ZNF525: variants seen among roughly 807,000 people sequenced by gnomAD.
ZNF525 encodes zinc finger protein 525.
In ZNF525, 33 loss-of-function variants were observed where a neutral mutation model predicts 37.6. That is an observed-to-expected ratio of 0.88 (90% CI 0.67 to 1.17). The LOEUF (loss-of-function observed/expected upper bound fraction) is 1.17, where lower values mean the gene tolerates loss of function less well. Among genes scored for constraint, ZNF525 ranks in the 50% most tolerant of loss-of-function variants. The pLI is 0.00. For missense variants in ZNF525, 449 were observed against 543.1 expected (o/e 0.83, Z 1.72); for synonymous variants, 170 against 182.3 (o/e 0.93, Z 0.54).
chr19:53,386,538 A>G lies in ZNF525; in HGVS notation c.*4519A>G, dbSNP rs1042862702. 6 of 515,722 alleles carry G rather than the reference A, an allele frequency of 1.2e-5. No homozygotes were observed. In the East Asian group the frequency reaches 1.8e-4, roughly 16 times the overall value. The allele number at this position is 515,722 out of a possible 1,614,324, so 31.9% of individuals were successfully genotyped here. A position where few individuals can be genotyped will look rare whatever the true frequency, so the allele number is the denominator to read the frequency against. On this transcript the variant is annotated 3_prime_UTR_variant, in exon 4 of 4. Coordinates refer to ENST00000474037, the MANE Select transcript of ZNF525 (RefSeq NM_001348156.2). ...TTCTCTGTAAATTTGTTATAAACGCATTGGTTGGCTGTGTTCAGTAATAAA... is the reference window on the plus strand; with the variant it reads ...TTCTCTGTAAATTTGTTATAAACGCGTTGGTTGGCTGTGTTCAGTAATAAA...
intron 1 of ZNF525, among the ~76,000 whole-genome samples, chr19:53,371,250 G>A (rs1332527488): frequency 6.7e-6 from 1 of 148,432 alleles, no homozygotes; most frequent in Non-Finnish European, 1.5e-5. Flanking sequence ...CAGGCTGTGA[G>A]TGCAGTCTCA....
chr19:53,383,068 C>A lies in ZNF525; in HGVS notation c.*1049C>A. ...GACTTCATACTGGAGAGAACGCTTG[C>A]AAGTGTAATAAATGTGGCGAGGTTT... On this transcript the variant is annotated 3_prime_UTR_variant, in exon 4 of 4. Transcript: ENST00000474037. 7.0e-7 allele frequency: 1 copy of A among 1,419,662 alleles called. No individual in the cohort carries two copies. The highest frequency in any genetic ancestry group is 9.8e-7 in the Non-Finnish European group (1 of 1,015,500). The allele number at this position is 1,419,662 out of a possible 1,614,324, so 87.9% of individuals were successfully genotyped here.
At chr19:53,378,788 G>A (rs772900218) in intron 3 of ZNF525, among the ~76,000 whole-genome samples, 2 of 152,144 alleles carry the variant, frequency 1.3e-5, no homozygotes, top group African/African-American at 2.4e-5. Flanking sequence ...CAACACCCGT[G>A]ACCAAATTGT....
intron 3 of ZNF525, among the ~76,000 whole-genome samples, chr19:53,379,050 A>G (rs936892130): frequency 6.6e-6 from 1 of 152,058 alleles, no homozygotes; most frequent in Non-Finnish European, 1.5e-5. Flanking sequence ...GAATTGCTGT[A>G]TTGCCTGGCT....
intron 3 of ZNF525, chr19:53,376,304 T>C: frequency 1.5e-6 from 1 of 671,792 alleles, no homozygotes; most frequent in Non-Finnish European, 2.7e-6. Context: ...ATGAGTCTTC[T>C]GTGGACAACA....
rs1158728952 is a variant in ZNF525 at position 53,382,791 on chromosome 19, G to A, written c.*772G>A. On this transcript the variant is annotated 3_prime_UTR_variant, in exon 4 of 4. Coordinates refer to ENST00000474037, the MANE Select transcript of ZNF525 (RefSeq NM_001348156.2). ...CGTTCATACCTTGCAGTTCACGGGCGAACTCATGCTGGAGAGAAACCTTAC... is the reference window on the plus strand; with the variant it reads ...CGTTCATACCTTGCAGTTCACGGGCAAACTCATGCTGGAGAGAAACCTTAC... 5.3e-5 allele frequency: 59 copies of A among 1,120,294 alleles called. No individual in the cohort carries two copies. The highest frequency in any genetic ancestry group is 4.0e-4 in the Middle Eastern group (2 of 4,946). The allele number at this position is 1,120,294 out of a possible 1,614,324, so 69.4% of individuals were successfully genotyped here.
At chr19:53,366,540 G>GA (rs57967171) in intron 1 of ZNF525, among the ~76,000 whole-genome samples, 20,658 of 123,820 alleles carry the variant, frequency 0.17, 1,865 homozygotes, top group African/African-American at 0.25. Flanking sequence ...CAGCAAAAGT[G>GA]AAAAAAAAAA....
chr19:53,378,849 A>G (rs1010033167), intron 3 of ZNF525, among the ~76,000 whole-genome samples: 1 of 152,202 alleles, frequency 6.6e-6, no homozygotes, highest in Non-Finnish European at 1.5e-5. Flanking sequence ...AGAACTCTGA[A>G]CATGGCGTTT....
Position 53,382,148 on chromosome 19 carries a change from C to T in ZNF525, c.*129C>T, listed in dbSNP as rs569760100. ...AATTTCATAGTGGAGAGAAACCTTA[C>T]AAATGTGAAGAATGTGATGAAGCTT... On this transcript the variant is annotated 3_prime_UTR_variant, in exon 4 of 4. Transcript: ENST00000474037. 1.9e-6 allele frequency: 3 copies of T among 1,589,162 alleles called. No homozygotes were observed. Among genetic ancestry groups the T allele is most frequent in the African/African-American group, 1.3e-5 (1 of 74,270 alleles).
At position 53,386,339 on chromosome 19, in the gene ZNF525, G is replaced by T; in HGVS notation, c.*4320G>T. 1 of 781,436 alleles carries T rather than the reference G, an allele frequency of 1.3e-6. No individual in the cohort carries two copies. The highest frequency in any genetic ancestry group is 2.2e-6 in the Non-Finnish European group (1 of 448,500). 48.4% of individuals were successfully genotyped at this position (781,436 alleles called of 1,614,324 possible). ...CAGATCAAAACTGGTAATAAAATCA[G>T]GTACGACTCCAAAAGGAGACATTGG... On this transcript the variant is annotated 3_prime_UTR_variant, in exon 4 of 4. Transcript: ENST00000474037.
chr19:53,383,437 C>G lies in ZNF525; in HGVS notation c.*1418C>G. ...TGTGACAAAGTTTACAGTCGCAAAT[C>G]AAACCTCGAAAGACAGGAGAATTCA... On this transcript the variant is annotated 3_prime_UTR_variant, in exon 4 of 4. Coordinates refer to ENST00000474037, the MANE Select transcript of ZNF525 (RefSeq NM_001348156.2). The G allele has an allele frequency of 9.6e-7, 1 of 1,042,486 alleles. No individual in the cohort carries two copies. The highest frequency in any genetic ancestry group is 1.3e-5 in the South Asian group (1 of 79,210). 64.6% of individuals were successfully genotyped at this position (1,042,486 alleles called of 1,614,324 possible). A position where few individuals can be genotyped will look rare whatever the true frequency, so the allele number is the denominator to read the frequency against.
At position 53,384,060 on chromosome 19, in the gene ZNF525, AT is replaced by A. The variant is rs2085587913; in HGVS notation, c.*2043del. 2 of 522,840 alleles carry A rather than the reference AT, an allele frequency of 3.8e-6. No individual in the cohort carries two copies. The highest frequency in any genetic ancestry group is 4.7e-5 in the Admixed American group (2 of 42,632). 32.4% of individuals were successfully genotyped at this position (522,840 alleles called of 1,614,324 possible). On this transcript the variant is annotated 3_prime_UTR_variant, in exon 4 of 4. Coordinates refer to ENST00000474037, the MANE Select transcript of ZNF525 (RefSeq NM_001348156.2). ...TATCAGAAAATTCATTTTTCAGGTA[AT>A]TGTTCCCAATGCAATGAATATAGCA...
rs968909881 is a variant in ZNF525, at chr19:53,383,039, C to G, written c.*1020C>G. ...TCGCAAAGCAAAGCTTGCATGTCAT[C>G]ATAGACTTCATACTGGAGAGAACGC... On this transcript the variant is annotated 3_prime_UTR_variant, in exon 4 of 4. Coordinates refer to ENST00000474037, the MANE Select transcript of ZNF525 (RefSeq NM_001348156.2). 1.2e-5 allele frequency: 18 copies of G among 1,453,842 alleles called. No homozygotes were observed. In the East Asian group the frequency reaches 1.4e-4, roughly 11 times the overall value. The allele number at this position is 1,453,842 out of a possible 1,614,324, so 90.1% of individuals were successfully genotyped here. A position where few individuals can be genotyped will look rare whatever the true frequency, so the allele number is the denominator to read the frequency against.
At chr19:53,369,073 C>A (rs2085467375) in intron 1 of ZNF525, among the ~76,000 whole-genome samples, 1 of 152,112 alleles carries the variant, frequency 6.6e-6, no homozygotes. Context: ...CATCAAAATA[C>A]AGAGAAATAG....
At chr19:53,367,834 A>G (rs1464086508) in intron 1 of ZNF525, among the ~76,000 whole-genome samples, 2 of 152,150 alleles carry the variant, frequency 1.3e-5, no homozygotes, top group South Asian at 2.1e-4. Context: ...TCTCATTTTC[A>G]TGGCTTACTG....
At chr19:53,366,612 A>G (rs2085447560) in intron 1 of ZNF525, among the ~76,000 whole-genome samples, 2 of 151,520 alleles carry the variant, frequency 1.3e-5, no homozygotes, top group Non-Finnish European at 2.9e-5. Context: ...CTAGATGTAC[A>G]GAGAGATGAA....
rs1464221700 is a variant in ZNF525, at chr19:53,386,299, A to G, written c.*4280A>G. ...CAAGAAACAAAAGCAAAACCATCCCACTCCCCTGTGGATTCAGATCAAAAC... is the reference window on the plus strand; with the variant it reads ...CAAGAAACAAAAGCAAAACCATCCCGCTCCCCTGTGGATTCAGATCAAAAC... On this transcript the variant is annotated 3_prime_UTR_variant, in exon 4 of 4. Transcript: ENST00000474037. The G allele has an allele frequency of 2.8e-6, 2 of 713,302 alleles. No individual in the cohort carries two copies. Among genetic ancestry groups the G allele is most frequent in the African/African-American group, 2.0e-5 (1 of 51,048 alleles). 44.2% of individuals were successfully genotyped at this position (713,302 alleles called of 1,614,324 possible).
intron 1 of ZNF525, among the ~76,000 whole-genome samples, chr19:53,371,406 C>T (rs1460071338): frequency 1.3e-5 from 2 of 152,014 alleles, no homozygotes; most frequent in African/African-American, 2.4e-5. Context: ...GAGTCTCATT[C>T]TGTCACCCAG....
Position 53,381,550 on chromosome 19 carries a change from A to G in ZNF525, c.971A>G (p.Glu324Gly). The change falls in exon 4 of 4, where the codon GAG becomes GGG. Residue 324 changes from glutamate (E) to glycine (G), a missense_variant. This residue lies in a region of ZNF525 where 178 missense variants were observed against 161.5 expected (regional missense o/e 1.10). Coordinates refer to ENST00000474037, the MANE Select transcript of ZNF525 (RefSeq NM_001348156.2). ...LQRHRRIHTG[E>G]KPHKCNECGK... is the part of the protein sequence containing the mutation. Reference sequence around the variant, plus strand: ...AGACATAGGAGAATTCATACTGGAGAGAAACCACATAAGTGTAATGAGTGT... The same window carrying G: ...AGACATAGGAGAATTCATACTGGAGGGAAACCACATAAGTGTAATGAGTGT... 1 of 1,207,372 alleles carries G rather than the reference A, an allele frequency of 8.3e-7. No homozygotes were observed. The highest frequency in any genetic ancestry group is 1.2e-6 in the Non-Finnish European group (1 of 808,584). 74.8% of individuals were successfully genotyped at this position (1,207,372 alleles called of 1,614,324 possible). A position where few individuals can be genotyped will look rare whatever the true frequency, so the allele number is the denominator to read the frequency against.
Sources: gnomAD v4.1 joint callset for allele counts (sites outside exome capture counted in the v4.1 genomes callset) on GRCh38, gnomAD v4.1.1 for gene constraint, gnomAD v4.1.1 regional missense constraint, MANE v1.5 for transcripts, NCBI Gene and HGNC (gene_info 2026-07-23, HGNC 2026-07-21) for gene names.